The following FRMD3 variants were observed in gnomAD, a reference collection of about 807,000 sequenced individuals.
FRMD3 encodes the protein FERM domain containing 3, also known as FERM domain-containing protein 3.
In FRMD3, 33 loss-of-function variants were observed where a neutral mutation model predicts 70.2. That is an observed-to-expected ratio of 0.47 (90% CI 0.36 to 0.63). FRMD3 has a LOEUF of 0.63. FRMD3 is among the 20% of genes least tolerant of loss of function. FRMD3 has a pLI of 0.00. For missense variants in FRMD3, 632 were observed against 711.4 expected (o/e 0.89, Z 1.27); for synonymous variants, 279 against 255.9 (o/e 1.09, Z -0.86).
chr9:83,540,970 C>G (rs1286754530), upstream of FRMD3, among the ~76,000 whole-genome samples: 1 of 152,026 alleles, frequency 6.6e-6, no homozygotes, highest in African/African-American at 2.4e-5. Context: ...AAGAATAGGA[C>G]TATAAAAGAA....
At chr9:83,475,027 A>G (rs769977250) in intron 1 of FRMD3, among the ~76,000 whole-genome samples, 2 of 152,142 alleles carry the variant, frequency 1.3e-5, no homozygotes, top group African/African-American at 2.4e-5. Flanking sequence ...GCCTACCAGA[A>G]GCTCAAAAAG....
At chr9:83,310,373 T>G in intron 9 of FRMD3, 112 bp downstream of exon 9, 3 of 848,790 alleles carry the variant, frequency 3.5e-6, no homozygotes, top group Non-Finnish European at 5.8e-6. Context: ...ATTATCACCA[T>G]ACACTTCAAA....
chr9:83,367,954 T>C lies in FRMD3; in HGVS notation c.295+4959A>G, dbSNP rs774341786. Among the ~76,000 whole-genome samples, 20 of 152,232 alleles carry C rather than the reference T, an allele frequency of 1.3e-4. No individual in the cohort carries two copies. In the South Asian group the frequency reaches 1.4e-3, roughly 11 times the overall value. ...CTCCATTTTGCTAAAAATTCATCAA[T>C]TTTCTTGATATTTTCAAAGACTAGC... On this transcript the variant is annotated intron_variant, in intron 3 of 13. Coordinates refer to ENST00000304195, the MANE Select transcript of FRMD3 (RefSeq NM_174938.6).
intron 13 of FRMD3, among the ~76,000 whole-genome samples, chr9:83,275,580 C>T (rs1444759601): frequency 1.3e-5 from 2 of 152,088 alleles, no homozygotes; most frequent in African/African-American, 4.8e-5. Flanking sequence ...GGTAAGGGAC[C>T]CCCAACCTCT....
the FRMD3 span, among the ~76,000 whole-genome samples, chr9:83,550,353 G>C: frequency 6.6e-6 from 1 of 152,118 alleles, no homozygotes; most frequent in South Asian, 2.1e-4. Context: ...CTGTAGACTT[G>C]TAGTATACTT....
At position 83,290,634 on chromosome 9, in the gene FRMD3, G is replaced by T. The variant is rs371814253; in HGVS notation, c.1164C>A (p.Ser388Arg). 8 of 1,614,022 alleles carry T rather than the reference G, an allele frequency of 5.0e-6. No homozygotes were observed. The Admixed American group carries it at 1.0e-4, about 20-fold the overall frequency. Reference sequence around the variant, plus strand: ...CCAGAGGAAGTTCTTCTTCTTGCTCGCTGGGGGAAGGAAGCAGGGGCTGCA... The same window carrying T: ...CCAGAGGAAGTTCTTCTTCTTGCTCTCTGGGGGAAGGAAGCAGGGGCTGCA... ...EPLQPLLPSP[S>R]EQEEELPLGE... Residue 388 changes from serine (S) to arginine (R), a missense_variant, in exon 13 of 14, where the codon AGC becomes AGA. By Grantham distance (110) the Ser-to-Arg change is moderately radical. Coordinates refer to ENST00000304195, the MANE Select transcript of FRMD3 (RefSeq NM_174938.6).
intron 1 of FRMD3, among the ~76,000 whole-genome samples, chr9:83,466,732 T>C (rs1192143070): frequency 2.6e-5 from 4 of 152,330 alleles, no homozygotes; most frequent in African/African-American, 7.2e-5. Context: ...GAACTTTAAC[T>C]GTGATTCCCT....
chr9:83,482,603 G>A (rs1439987878), intron 1 of FRMD3, among the ~76,000 whole-genome samples: 1 of 152,136 alleles, frequency 6.6e-6, no homozygotes, highest in East Asian at 1.9e-4. Context: ...ATTACAAGAC[G>A]ATGATTGGTA....
At chr9:83,474,927 C>A (rs983556812) in intron 1 of FRMD3, among the ~76,000 whole-genome samples, 1 of 152,022 alleles carries the variant, frequency 6.6e-6, no homozygotes, top group Non-Finnish European at 1.5e-5. Flanking sequence ...AGTGGACAGA[C>A]CTGGGTATCT....
chr9:83,538,427 C>T (rs945098497), upstream of FRMD3: 9 of 391,622 alleles, frequency 2.3e-5, no homozygotes, highest in Admixed American at 4.5e-5. The surrounding 1 kb of genome is among the most constrained non-coding windows in gnomAD (Gnocchi z 4.7). Flanking sequence ...TCTGTTCGCT[C>T]GCCTCCGCCT....
chr9:83,570,368 T>C, the FRMD3 span, among the ~76,000 whole-genome samples: 1 of 152,166 alleles, frequency 6.6e-6, no homozygotes, highest in Non-Finnish European at 1.5e-5. Context: ...TTACATAGAA[T>C]CACAAGAAAT....
At chr9:83,453,277 T>C (rs567871053) in intron 1 of FRMD3, among the ~76,000 whole-genome samples, 71 of 152,348 alleles carry the variant, frequency 4.7e-4, no homozygotes, top group Non-Finnish European at 9.4e-4. Context: ...ACATTTGTTA[T>C]ATTAGTTTAT....
chr9:83,255,585 C>A (rs13302766), intron 13 of FRMD3, among the ~76,000 whole-genome samples: 47,391 of 151,908 alleles, frequency 0.31, 8,367 homozygotes, highest in Middle Eastern at 0.46. Context: ...GAGAGGAAGT[C>A]AAATTATCTT....
At chr9:83,334,389 T>A (rs1206533952) in intron 6 of FRMD3, among the ~76,000 whole-genome samples, 1 of 152,124 alleles carries the variant, frequency 6.6e-6, no homozygotes, top group East Asian at 1.9e-4. Context: ...GCTGCCACCT[T>A]GAATGCCCTC....
chr9:83,552,168 T>C, the FRMD3 span, among the ~76,000 whole-genome samples: 1 of 152,348 alleles, frequency 6.6e-6, no homozygotes, highest in Middle Eastern at 3.4e-3. Context: ...TCTGGTATGT[T>C]ATATCTTTGT....
Position 83,434,434 on chromosome 9 carries a change from C to T in FRMD3, c.148-44726G>A, listed in dbSNP as rs562469005. 1.7e-3 allele frequency among the ~76,000 whole-genome samples: 259 copies of T among 152,220 alleles called. 1 individual carries two copies. Among genetic ancestry groups the T allele is most frequent in the Non-Finnish European group, 2.9e-3 (200 of 68,012 alleles). ...TGGTTTCCTTGACTGTGAATGGGGA[C>T]AAATGTCCAACACTAAACAAGAGGA... On this transcript the variant is annotated intron_variant, in intron 1 of 13. Transcript: ENST00000304195.
At chr9:83,319,169 T>C (rs1440423247) in intron 6 of FRMD3, among the ~76,000 whole-genome samples, 1 of 152,184 alleles carries the variant, frequency 6.6e-6, no homozygotes, top group Non-Finnish European at 1.5e-5. Flanking sequence ...ATTTGCCTAT[T>C]TTTGTTTTGC....
Position 83,436,797 on chromosome 9 carries a change from A to C in FRMD3, c.148-47089T>G, listed in dbSNP as rs1315091765. Reference sequence around the variant, plus strand: ...GACCAAGGGGAAAAAAAAAAAAAAAAAAAACAAGACAGCTAGACAGGAAAA... The same window carrying C: ...GACCAAGGGGAAAAAAAAAAAAAAACAAAACAAGACAGCTAGACAGGAAAA... On this transcript the variant is annotated intron_variant, in intron 1 of 13. Transcript: ENST00000304195. 8.4e-5 allele frequency among the ~76,000 whole-genome samples: 12 copies of C among 143,650 alleles called. No individual in the cohort carries two copies. The South Asian group carries it at 2.3e-3, about 27-fold the overall frequency. 94.2% of individuals were successfully genotyped at this position (143,650 alleles called of 152,430 possible). A position where few individuals can be genotyped will look rare whatever the true frequency, so the allele number is the denominator to read the frequency against.
chr9:83,533,876 G>A (rs1161630924), intron 1 of FRMD3, among the ~76,000 whole-genome samples: 1 of 152,144 alleles, frequency 6.6e-6, no homozygotes, highest in Non-Finnish European at 1.5e-5. Context: ...TGTCAGCCAT[G>A]TTTACCAGGC....
Sources: gnomAD v4.1 joint callset for allele counts (sites outside exome capture counted in the v4.1 genomes callset) on GRCh38, gnomAD v4.1.1 for gene constraint, Gnocchi (gnomAD v3.1) non-coding constraint, MANE v1.5 for transcripts, NCBI Gene and HGNC (gene_info 2026-07-23, HGNC 2026-07-21) for gene names.